The following LIPH variants were observed in gnomAD, a reference collection of about 807,000 sequenced individuals.
The protein encoded by LIPH is lipase H, also known as lipase member H.
In LIPH, 32 loss-of-function variants were observed where a neutral mutation model predicts 47.6. The ratio of observed to expected loss-of-function variants is 0.67; its 90% CI spans 0.51 to 0.90. The LOEUF is 0.90. Among genes scored for constraint, LIPH ranks in the 40% least tolerant of loss-of-function variants. The pLI is 0.00. For missense variants in LIPH, 497 were observed against 541.4 expected, an observed-to-expected ratio of 0.92 and a Z score of 0.81; for synonymous variants, 190 against 195.6, an observed-to-expected ratio of 0.97 and a Z score of 0.24.
At chr3:185,540,108 A>T (rs1310858084) in intron 1 of LIPH, among the ~76,000 whole-genome samples, 1 of 152,166 alleles carries the variant, frequency 6.6e-6, no homozygotes, top group Non-Finnish European at 1.5e-5. Context: ...AACTGCCTGC[A>T]TGATGGTGTG....
Position 185,535,069 on chromosome 3 carries a change from C to T in LIPH, c.113G>A (p.Gly38Glu). ...LSFHSAVVGTGLNVRLMLYTR... is the reference protein window; with the variant it reads ...LSFHSAVVGTELNVRLMLYTR... The stretch of plus-strand genomic sequence containing the variant: ...GTAGAGCATCAGCCTCACATTTAGT[C>T]CCGTACCAACCACTGCACTGTGAAA... The change falls in exon 2 of 10, where the codon GGA (glycine) becomes GAA (glutamate). Residue 38 changes from glycine to glutamate, a missense_variant. Coordinates refer to ENST00000296252, the MANE Select transcript of LIPH (RefSeq NM_139248.3). 6.2e-7 allele frequency: 1 copy of T among 1,613,942 alleles called. No individual in the cohort carries two copies. Among genetic ancestry groups the T allele is most frequent in the South Asian group, 1.1e-5 (1 of 91,068 alleles).
chr3:185,519,144 A>C lies in LIPH; in HGVS notation c.884T>G (p.Leu295Arg). 2 of 1,613,916 alleles carry C rather than the reference A, an allele frequency of 1.2e-6. No homozygotes were observed. The highest frequency in any genetic ancestry group is 1.7e-6 in the Non-Finnish European group (2 of 1,179,778). Residue 295 changes from leucine (L) to arginine (R), a missense_variant and splice_region_variant, in exon 6 of 10, where the codon CTG (leucine) becomes CGG (arginine). Leu to Arg is a moderately radical substitution (Grantham distance 102). Coordinates refer to ENST00000296252, the MANE Select transcript of LIPH (RefSeq NM_139248.3). ...AGGAAACTGCTGGTTAGACTTACCCAGAAGGGGACAGGACTCTTTTTGTGA... is the reference window on the plus strand; with the variant it reads ...AGGAAACTGCTGGTTAGACTTACCCCGAAGGGGACAGGACTCTTTTTGTGA... The part of the protein sequence containing the change: ...GTSQKESCPL[L>R]GYYADNWKDH...
intron 3 of LIPH, among the ~76,000 whole-genome samples, chr3:185,529,177 AAAAAAAAAAAAAAAAG>A (rs1438224364): frequency 2.1e-5 from 1 of 47,894 alleles, no homozygotes; most frequent in East Asian, 7.5e-4. Flanking sequence ...ACTCCGTCTC[AAAAAAAAAAAAAAAAG>A]AAAAAAAGAA....
At chr3:185,529,935 A>AG (rs1560165122) in intron 3 of LIPH, among the ~76,000 whole-genome samples, 28 of 49,818 alleles carry the variant, frequency 5.6e-4, no homozygotes, top group African/African-American at 1.4e-3. Context: ...AGAAAGAAAG[A>AG]AAGAAAGAAA....
chr3:185,540,139 C>T (rs1720656612), intron 1 of LIPH, among the ~76,000 whole-genome samples: 1 of 152,142 alleles, frequency 6.6e-6, no homozygotes, highest in Non-Finnish European at 1.5e-5. Flanking sequence ...CTGCCTATTC[C>T]CACTCCCTCC....
chr3:185,525,482 A>C (rs1351371104), intron 4 of LIPH, among the ~76,000 whole-genome samples: 1 of 152,172 alleles, frequency 6.6e-6, no homozygotes, highest in Non-Finnish European at 1.5e-5. Flanking sequence ...GAAACAACTT[A>C]AGTGAAGATA....
At chr3:185,526,526 TAATAA>T (rs202217231) in intron 4 of LIPH, among the ~76,000 whole-genome samples, 257 of 122,576 alleles carry the variant, frequency 2.1e-3, no homozygotes, top group African/African-American at 6.9e-3. Flanking sequence ...CGTCTCAAAA[TAATAA>T]AATAAAATAA....
intron 8 of LIPH, 122 bp from the exon 9 acceptor site, chr3:185,511,819 CTT>C (rs78253030): frequency 0.015 from 7,832 of 537,580 alleles, 4 homozygotes; most frequent in Middle Eastern, 0.019. Context: ...CACCAGCTGA[CTT>C]TTTTTTTTTT....
chr3:185,524,185 T>C (rs2148952829), intron 4 of LIPH, 25 bp from the exon 5 acceptor site: 2 of 1,395,084 alleles, frequency 1.4e-6, no homozygotes, highest in Non-Finnish European at 2.0e-6. Flanking sequence ...ATTCTGCTTT[T>C]ATACTCCTTT....
At chr3:185,524,270 T>C (rs1719996359) in intron 4 of LIPH, 110 bp from the exon 5 acceptor site, 7 of 726,322 alleles carry the variant, frequency 9.6e-6, no homozygotes, top group Non-Finnish European at 1.7e-5. Flanking sequence ...TGTTTATCAT[T>C]ATTGTTATAC....
At chr3:185,516,943 T>C (rs1719745538) in intron 7 of LIPH, 124 bp downstream of exon 7, 3 of 770,178 alleles carry the variant, frequency 3.9e-6, no homozygotes, top group Non-Finnish European at 4.8e-6. Flanking sequence ...ACCGAGGCCC[T>C]TCCAGCTCCA....
Position 185,534,763 on chromosome 3 carries a change from A to G in LIPH, c.417+2T>C. ...CTGAATCATCTAAGAGAATTCTCTTACCAACATCTGGTCAATAAATTCCTT... is the reference window on the plus strand; with the variant it reads ...CTGAATCATCTAAGAGAATTCTCTTGCCAACATCTGGTCAATAAATTCCTT... On this transcript the variant is annotated splice_donor_variant, in intron 2 of 9. Coordinates refer to ENST00000296252, the MANE Select transcript of LIPH (RefSeq NM_139248.3). LOFTEE classifies it high-confidence loss of function. 6.2e-7 allele frequency: 1 copy of G among 1,613,186 alleles called. No homozygotes were observed. Among genetic ancestry groups the G allele is most frequent in the Non-Finnish European group, 8.5e-7 (1 of 1,179,880 alleles).
intron 1 of LIPH, among the ~76,000 whole-genome samples, chr3:185,548,354 A>G (rs141053701): frequency 0.048 from 7,210 of 151,186 alleles, 284 homozygotes; most frequent in East Asian, 0.24. Context: ...GCAATGAGCC[A>G]AGATCGCGCC....
intron 1 of LIPH, among the ~76,000 whole-genome samples, chr3:185,548,336 C>G (rs367728304): frequency 6.6e-6 from 1 of 150,990 alleles, no homozygotes; most frequent in African/African-American, 2.4e-5. Context: ...ACCAGGGAGG[C>G]GGAGGTTGCA....
rs141597021 is a variant in LIPH, at chr3:185,507,451, G to A, written c.*1339C>T. ...GGAGCAATCACTTGGGTGAAGAGGA[G>A]GTGACTGGGCCTGTCACCTCCTTTT... On this transcript the variant is annotated 3_prime_UTR_variant, in exon 10 of 10. Transcript: ENST00000296252. 6.6e-6 allele frequency: 1 copy of A among 152,258 alleles called. No homozygotes were observed. Among genetic ancestry groups the A allele is most frequent in the East Asian group, 1.9e-4 (1 of 5,178 alleles). The allele number at this position is 152,258 out of a possible 1,614,324, so 9.4% of individuals were successfully genotyped here.
chr3:185,517,720 A>T (rs1286154416), intron 6 of LIPH, among the ~76,000 whole-genome samples: 1 of 152,016 alleles, frequency 6.6e-6, no homozygotes, highest in Non-Finnish European at 1.5e-5. Flanking sequence ...GCCTTAATTG[A>T]TCCAGGGTGG....
intron 1 of LIPH, among the ~76,000 whole-genome samples, chr3:185,544,926 G>A (rs189597564): frequency 8.1e-4 from 116 of 143,264 alleles, no homozygotes; most frequent in African/African-American, 2.7e-3. Flanking sequence ...CACCACACCC[G>A]GCCTCATTCT....
chr3:185,522,650 A>AAAAGAAAGAAAGAAAGAAAGAAAAG (rs1719936143), intron 5 of LIPH, among the ~76,000 whole-genome samples: 4 of 141,896 alleles, frequency 2.8e-5, no homozygotes, highest in Non-Finnish European at 4.6e-5. Flanking sequence ...GAGAGAAAGA[A>AAAAGAAAGAAAGAAAGAAAGAAAAG]AAAGAAAGAA....
rs1031244623 is a variant in LIPH at position 185,506,361 on chromosome 3, C to T, written c.*2429G>A. 1 of 152,164 alleles carries T rather than the reference C, an allele frequency of 6.6e-6. No homozygotes were observed. 9.4% of individuals were successfully genotyped at this position (152,164 alleles called of 1,614,324 possible). A position where few individuals can be genotyped will look rare whatever the true frequency, so the allele number is the denominator to read the frequency against. ...AACAAACTTCCTTTCTTTATCCATT[C>T]ATTCACCCATCTACCCATCCTACAG... On this transcript the variant is annotated 3_prime_UTR_variant, in exon 10 of 10. Transcript: ENST00000296252.
Sources: allele counts gnomAD v4.1 joint callset (sites outside exome capture counted in the v4.1 genomes callset), GRCh38; gene constraint gnomAD v4.1.1; transcripts MANE v1.5; gene names NCBI Gene and HGNC (gene_info 2026-07-23, HGNC 2026-07-21).